The following CSMD1 variants were observed in gnomAD, a reference collection of about 807,000 sequenced individuals.
CSMD1 encodes the protein CUB and Sushi multiple domains 1.
CSMD1 carries 213 observed loss-of-function variants against 417.5 expected under a neutral mutation model. The observed-to-expected ratio is 0.51, with a 90% CI of 0.46 to 0.57. CSMD1 has a LOEUF of 0.57. CSMD1 is among the 20% of genes least tolerant of loss of function. The probability of loss-of-function intolerance (pLI) is 0.00; values close to 1 mark genes in which losing one functional copy is unlikely to be tolerated. For synonymous variants in CSMD1, 2,862 were observed against 1,736.8 expected, an observed-to-expected ratio of 1.65 and a Z score of -16.11; for missense variants, 6,923 against 4,529.7, an observed-to-expected ratio of 1.53 and a Z score of -15.17.
chr8:3,736,639 C>T (rs1268069400), intron 6 of CSMD1, among the ~76,000 whole-genome samples: 2 of 152,138 alleles, frequency 1.3e-5, no homozygotes, highest in Non-Finnish European at 2.9e-5. Flanking sequence ...TTTCTCATGC[C>T]CCAGGTCTTC....
chr8:3,219,118 G>A (rs1350807377), intron 29 of CSMD1, 137 bp downstream of exon 29: 2 of 639,562 alleles, frequency 3.1e-6, no homozygotes, highest in Non-Finnish European at 5.2e-6. Context: ...GAGGAGACAT[G>A]TATCTTCCCA....
chr8:3,109,868 C>T (rs1816387418), intron 43 of CSMD1, among the ~76,000 whole-genome samples: 1 of 151,822 alleles, frequency 6.6e-6, no homozygotes, highest in Admixed American at 6.6e-5. Context: ...CAGAGACACA[C>T]ATCACACACC....
chr8:4,499,140 A>G (rs1436041729), intron 2 of CSMD1, among the ~76,000 whole-genome samples: 1 of 152,208 alleles, frequency 6.6e-6, no homozygotes, highest in African/African-American at 2.4e-5. Context: ...ACCAAGATAA[A>G]GAAACAAAAC....
chr8:4,984,356 T>C (rs1811059311), intron 1 of CSMD1, among the ~76,000 whole-genome samples: 1 of 152,226 alleles, frequency 6.6e-6, no homozygotes, highest in Admixed American at 6.5e-5. Flanking sequence ...TAAATCTGCA[T>C]ATTTCAGGGA....
chr8:3,562,916 A>G (rs1327558015), intron 10 of CSMD1, among the ~76,000 whole-genome samples: 1 of 152,060 alleles, frequency 6.6e-6, no homozygotes, highest in African/African-American at 2.4e-5. Context: ...CCATGAACTT[A>G]AAAGTTAAAA....
chr8:4,754,182 G>C (rs1811521771), intron 1 of CSMD1, among the ~76,000 whole-genome samples: 1 of 152,078 alleles, frequency 6.6e-6, no homozygotes, highest in Non-Finnish European at 1.5e-5. Flanking sequence ...GCTGAAACCT[G>C]TGCACTCCAC....
At chr8:4,227,663 T>G (rs1801440375) in intron 3 of CSMD1, among the ~76,000 whole-genome samples, 1 of 152,000 alleles carries the variant, frequency 6.6e-6, no homozygotes, top group Non-Finnish European at 1.5e-5. Context: ...GTGATCCTCC[T>G]GGCAGACACA....
intron 3 of CSMD1, among the ~76,000 whole-genome samples, chr8:4,088,252 T>C (rs997991175): frequency 2.6e-5 from 4 of 152,222 alleles, no homozygotes; most frequent in African/African-American, 7.2e-5. Flanking sequence ...GAGAAGTAGA[T>C]TTGCGAGTCG....
intron 3 of CSMD1, among the ~76,000 whole-genome samples, chr8:4,345,875 G>A (rs1563077477): frequency 6.6e-6 from 1 of 152,090 alleles, no homozygotes; most frequent in Non-Finnish European, 1.5e-5. Context: ...GCACTGACAG[G>A]CAGACAGGTG....
At chr8:4,707,886 CA>C (rs552510236) in intron 1 of CSMD1, among the ~76,000 whole-genome samples, 9 of 100,836 alleles carry the variant, frequency 8.9e-5, no homozygotes, top group East Asian at 3.0e-4. Context: ...GACTTTGTTT[CA>C]AAAAAAAAAA....
intron 5 of CSMD1, among the ~76,000 whole-genome samples, chr8:3,900,264 AGCACAG>A (rs1807646052): frequency 6.7e-6 from 1 of 149,528 alleles, no homozygotes; most frequent in African/African-American, 2.5e-5. Flanking sequence ...GCTGGGTGAC[AGCACAG>A]CTGCGTGACA....
At chr8:3,631,115 A>G (rs1796761404) in intron 7 of CSMD1, among the ~76,000 whole-genome samples, 1 of 152,192 alleles carries the variant, frequency 6.6e-6, no homozygotes, top group Non-Finnish European at 1.5e-5. Context: ...GCACACAGGT[A>G]TCAGCTCAGA....
intron 1 of CSMD1, among the ~76,000 whole-genome samples, chr8:4,650,861 C>T (rs535807987): frequency 2.0e-5 from 3 of 152,238 alleles, no homozygotes; most frequent in African/African-American, 7.2e-5. Context: ...AGCTAGTTGC[C>T]TAGATAAAGT....
At chr8:4,610,763 T>C (rs1164745326) in intron 2 of CSMD1, among the ~76,000 whole-genome samples, 1 of 152,206 alleles carries the variant, frequency 6.6e-6, no homozygotes, top group African/African-American at 2.4e-5. Flanking sequence ...ATATGTTACT[T>C]AATCTAATAA....
At chr8:4,120,309 T>C (rs79459446) in intron 3 of CSMD1, among the ~76,000 whole-genome samples, 10,292 of 152,286 alleles carry the variant, frequency 0.068, 402 homozygotes, top group African/African-American at 0.091. Context: ...TTCAGTGTTA[T>C]TTCAATTTTA....
At chr8:3,921,361 T>A (rs1431222971) in intron 5 of CSMD1, among the ~76,000 whole-genome samples, 2 of 152,092 alleles carry the variant, frequency 1.3e-5, no homozygotes, top group Admixed American at 1.3e-4. Flanking sequence ...GTATTTTTCA[T>A]TTTTCTTTAA....
At chr8:3,212,076 G>C (rs1441582187) in intron 30 of CSMD1, among the ~76,000 whole-genome samples, 3 of 152,126 alleles carry the variant, frequency 2.0e-5, no homozygotes, top group African/African-American at 7.2e-5. Flanking sequence ...GGGAGACCTT[G>C]GTCTTGACCT....
In CSMD1 at chr8:4,363,094, A is replaced by G. The variant is rs571393575; in HGVS notation, c.415+56859T>C. 1.4e-4 allele frequency among the ~76,000 whole-genome samples: 21 copies of G among 152,326 alleles called. No individual in the cohort carries two copies. The South Asian group carries it at 2.7e-3, about 20-fold the overall frequency. On this transcript the variant is annotated intron_variant, in intron 3 of 69. Coordinates refer to ENST00000635120, the MANE Select transcript of CSMD1 (RefSeq NM_033225.6). The stretch of plus-strand genomic sequence containing the variant: ...CAGAGCAGCCAGGTCACAGTGGATC[A>G]TAATATCAGAGACTTCATCAGACAC...
At chr8:3,677,774 C>T (rs1176531897) in intron 7 of CSMD1, among the ~76,000 whole-genome samples, 1 of 152,114 alleles carries the variant, frequency 6.6e-6, no homozygotes, top group Non-Finnish European at 1.5e-5. Flanking sequence ...AAACTTCTAT[C>T]CAGAGTATAT....
Sources: gnomAD v4.1 joint callset for allele counts (sites outside exome capture counted in the v4.1 genomes callset) on GRCh38, gnomAD v4.1.1 for gene constraint, MANE v1.5 for transcripts, NCBI Gene and HGNC (gene_info 2026-07-23, HGNC 2026-07-21) for gene names.